ZNF141: variants seen among roughly 807,000 people sequenced by gnomAD.
ZNF141 encodes the protein zinc finger protein 141 (clone pHZ-44).
Under a neutral mutation model 11.3 loss-of-function variants are expected in ZNF141, and 7 were observed. That is an observed-to-expected ratio of 0.62 (90% confidence interval 0.35 to 1.16). ZNF141 has a LOEUF of 1.16. Among genes scored for constraint, ZNF141 ranks in the 50% most tolerant of loss-of-function variants. ZNF141 has a pLI of 0.02. For synonymous variants in ZNF141, 183 were observed against 190.7 expected, an observed-to-expected ratio of 0.96 and a Z score of 0.33; for missense variants, 535 against 554.0, an observed-to-expected ratio of 0.97 and a Z score of 0.34.
chr4:347,025 C>T (rs1253640413), intron 3 of ZNF141, among the ~76,000 whole-genome samples: 4 of 146,856 alleles, frequency 2.7e-5, no homozygotes, highest in Non-Finnish European at 5.9e-5. Context: ...TTATATGATA[C>T]TTCTAGTTTT....
At chr4:355,282 C>G (rs1553851079) in intron 3 of ZNF141, among the ~76,000 whole-genome samples, 2 of 151,958 alleles carry the variant, frequency 1.3e-5, no homozygotes, top group African/African-American at 4.8e-5. Context: ...CTCGGTTCAC[C>G]ACAACCTCTG....
intron 3 of ZNF141, among the ~76,000 whole-genome samples, chr4:361,618 A>G (rs1222562908): frequency 6.6e-6 from 1 of 152,120 alleles, no homozygotes; most frequent in Non-Finnish European, 1.5e-5. Flanking sequence ...GTGAGTGAGA[A>G]CATGCGGTGT....
chr4:361,486 T>A (rs563385403), intron 3 of ZNF141, among the ~76,000 whole-genome samples: 2 of 151,966 alleles, frequency 1.3e-5, no homozygotes, highest in Non-Finnish European at 2.9e-5. Flanking sequence ...CCCATTAACT[T>A]GTCATTTACA....
chr4:338,773 T>G (rs888617896), intron 1 of ZNF141, among the ~76,000 whole-genome samples: 6 of 152,144 alleles, frequency 3.9e-5, no homozygotes, highest in Admixed American at 3.9e-4. Flanking sequence ...CTGTGCTGAC[T>G]CCGGGTGGTG....
At chr4:353,235 A>G (rs1721686613) in intron 3 of ZNF141, among the ~76,000 whole-genome samples, 1 of 151,950 alleles carries the variant, frequency 6.6e-6, no homozygotes, top group East Asian at 1.9e-4. Flanking sequence ...TTAGCCAGGC[A>G]TGGTGGCACG....
At chr4:341,167 A>G (rs1721032364) in intron 1 of ZNF141, among the ~76,000 whole-genome samples, 2 of 151,744 alleles carry the variant, frequency 1.3e-5, no homozygotes, top group African/African-American at 4.8e-5. Context: ...TCCCAGGTTC[A>G]AGCAATTCTC....
At chr4:358,849 C>T (rs1184060085) in intron 3 of ZNF141, among the ~76,000 whole-genome samples, 1 of 152,224 alleles carries the variant, frequency 6.6e-6, no homozygotes, top group Non-Finnish European at 1.5e-5. Flanking sequence ...GCTGGGATTA[C>T]AGGTGTGAGC....
rs1206079264 is a variant in ZNF141, at chr4:381,005, C to G, written c.*7143C>G. 6.6e-6 allele frequency among the ~76,000 whole-genome samples: 1 copy of G among 152,160 alleles called. No individual in the cohort carries two copies. Among genetic ancestry groups the G allele is most frequent in the Non-Finnish European group, 1.5e-5 (1 of 68,028 alleles). On this transcript the variant is annotated 3_prime_UTR_variant, in exon 4 of 4. Transcript: ENST00000240499. ...ACGTACTTGGGAACAGCTTTCCTTT[C>G]AACTGTCCTTCACCACCCCTTTAGC...
chr4:378,444 A>G lies in ZNF141; in HGVS notation c.*4582A>G, dbSNP rs370540218. Among the ~76,000 whole-genome samples, 164 of 151,812 alleles carry G rather than the reference A, an allele frequency of 1.1e-3. 6 individuals are homozygous for G. In the East Asian group the frequency reaches 0.028, roughly 26 times the overall value. On this transcript the variant is annotated 3_prime_UTR_variant, in exon 4 of 4. Transcript: ENST00000240499. ...GCCACCACGCCCAGTTAATTTTTAT[A>G]TTTTTAGTAGAGATGGGGTTTCACC...
At chr4:355,142 T>G (rs1016386429) in intron 3 of ZNF141, among the ~76,000 whole-genome samples, 2 of 152,118 alleles carry the variant, frequency 1.3e-5, no homozygotes, top group African/African-American at 4.8e-5. Flanking sequence ...CATCACTATA[T>G]AATGAAGTTT....
chr4:358,540 TA>T (rs1721958362), intron 3 of ZNF141: 1 of 167,984 alleles, frequency 6.0e-6, no homozygotes, highest in Non-Finnish European at 1.3e-5. Context: ...AAAAAATTAG[TA>T]ATCTGTGTAC....
chr4:351,375 AG>A (rs1446575973), intron 3 of ZNF141, among the ~76,000 whole-genome samples: 4 of 151,894 alleles, frequency 2.6e-5, no homozygotes, highest in Non-Finnish European at 5.9e-5. Context: ...CTGGGACTAC[AG>A]GTGCCTGCCA....
chr4:356,791 G>C (rs1402578606), intron 3 of ZNF141, among the ~76,000 whole-genome samples: 1 of 151,796 alleles, frequency 6.6e-6, no homozygotes, highest in Non-Finnish European at 1.5e-5. Context: ...CCATTTAGTG[G>C]TTTCTGTTTT....
At chr4:358,942 T>C (rs1029894439) in intron 3 of ZNF141, among the ~76,000 whole-genome samples, 3 of 152,214 alleles carry the variant, frequency 2.0e-5, no homozygotes, top group African/African-American at 7.2e-5. Context: ...CTGTGTTTTA[T>C]TGTTAGTTGT....
intron 3 of ZNF141, among the ~76,000 whole-genome samples, chr4:345,920 G>C (rs540693257): frequency 6.6e-6 from 1 of 152,086 alleles, no homozygotes; most frequent in Non-Finnish European, 1.5e-5. Context: ...AACCAGCATA[G>C]AACATTACTA....
At chr4:363,709 G>C (rs540864294) in intron 3 of ZNF141, among the ~76,000 whole-genome samples, 1 of 150,648 alleles carries the variant, frequency 6.6e-6, no homozygotes, top group Admixed American at 6.6e-5. Context: ...AGTGAGCCAA[G>C]ATCGTGCCAC....
chr4:374,093 G>A lies in ZNF141; in HGVS notation c.*231G>A, dbSNP rs1581629317. ...GTGAATGGTCCACAAACCTGAATGA[G>A]CAGAAGAAAATTATTACTGGAGATA... On this transcript the variant is annotated 3_prime_UTR_variant, in exon 4 of 4. Coordinates refer to ENST00000240499, the MANE Select transcript of ZNF141 (RefSeq NM_003441.4). The A allele has an allele frequency of 1.9e-6, 1 of 540,000 alleles. No individual in the cohort carries two copies. The highest frequency in any genetic ancestry group is 3.3e-6 in the Non-Finnish European group (1 of 303,694). 33.5% of individuals were successfully genotyped at this position (540,000 alleles called of 1,614,324 possible).
chr4:357,793 G>A (rs1270684805), intron 3 of ZNF141, among the ~76,000 whole-genome samples: 2 of 149,328 alleles, frequency 1.3e-5, no homozygotes, highest in South Asian at 2.1e-4. Flanking sequence ...TGCAGCTTGC[G>A]CCTCCCGGAT....
intron 1 of ZNF141, chr4:338,204 C>T (rs1280447824): frequency 2.3e-5 from 12 of 525,388 alleles, no homozygotes; most frequent in African/African-American, 1.8e-4. Flanking sequence ...CGCCCGCAGC[C>T]CCGCACCTTC....
Sources: allele counts gnomAD v4.1 joint callset (sites outside exome capture counted in the v4.1 genomes callset), GRCh38; gene constraint gnomAD v4.1.1; transcripts MANE v1.5; gene names NCBI Gene and HGNC (gene_info 2026-07-23, HGNC 2026-07-21).